JMJD1C: variants seen among roughly 807,000 people sequenced by gnomAD.
JMJD1C encodes the protein jumonji domain containing 1C.
A neutral mutation model predicts 245.3 loss-of-function variants in JMJD1C; 31 were observed. The ratio of observed to expected loss-of-function variants is 0.13; its 90% CI spans 0.09 to 0.17. The LOEUF (loss-of-function observed/expected upper bound fraction) is 0.17, where lower values mean the gene tolerates loss of function less well. Ranked by LOEUF, JMJD1C falls within the 10% of genes least tolerant of loss-of-function variation. The pLI is 1.00. For missense variants in JMJD1C, 2,691 were observed against 3,000.2 expected, an observed-to-expected ratio of 0.90 and a Z score of 2.41; for synonymous variants, 1,057 against 1,017.4, an observed-to-expected ratio of 1.04 and a Z score of -0.74.
chr10:63,368,314 T>C (rs56055417), intron 2 of JMJD1C, among the ~76,000 whole-genome samples: 2,025 of 152,268 alleles, frequency 0.013, 29 homozygotes, highest in African/African-American at 0.034. Context: ...CATAATTAAA[T>C]TGGAATGCTC....
Position 63,462,650 on chromosome 10 carries a change from G to A in JMJD1C, c.168+2845C>T, listed in dbSNP as rs181667468. ...TAGAAGGAGATGACTAGGGAAAAAC[G>A]GTCAGAGAGATACAACTTGGTTGGC... is the stretch of plus-strand genomic sequence containing the variant. On this transcript the variant is annotated intron_variant, in intron 1 of 25. Coordinates refer to ENST00000399262, the MANE Select transcript of JMJD1C (RefSeq NM_032776.3). Among the ~76,000 whole-genome samples the A allele has an allele frequency of 4.7e-3, 710 of 152,250 alleles. 6 individuals are homozygous for A. Among genetic ancestry groups the A allele is most frequent in the South Asian group, 0.019 (90 of 4,820 alleles).
Position 63,207,731 on chromosome 10 carries a change from G to A in JMJD1C, c.3938C>T (p.Thr1313Ile), listed in dbSNP as rs1846812804. Residue 1313 changes from threonine to isoleucine, a missense_variant, in exon 10 of 26, where the codon ACA (threonine) becomes ATA (isoleucine). Thr to Ile is a moderately conservative substitution (Grantham distance 89). Around this residue, in one of 9 missense-constraint regions of JMJD1C, gnomAD observed 1,562 missense variants for 1,490.7 expected, o/e 1.05. Coordinates refer to ENST00000399262, the MANE Select transcript of JMJD1C (RefSeq NM_032776.3). ...ASVIVRPSSS[T>I]KTDSMPAMQL... is the part of the protein sequence containing the mutation. ...CATTGCTGGCATACTATCAGTTTTT[G>A]TACTAGAAGATGGACGCACAATGAC... is the stretch of plus-strand genomic sequence containing the variant. The A allele has an allele frequency of 6.2e-7, 1 of 1,614,134 alleles. No homozygotes were observed. The highest frequency in any genetic ancestry group is 1.6e-4 in the Middle Eastern group (1 of 6,062).
chr10:63,228,743 A>G (rs913870167), intron 3 of JMJD1C, among the ~76,000 whole-genome samples: 29 of 152,190 alleles, frequency 1.9e-4, no homozygotes, highest in African/African-American at 6.3e-4. Flanking sequence ...AAATATATAC[A>G]ATCAGGAGCA....
At chr10:63,497,251 G>C (rs549621289) in intron 1 of JMJD1C, among the ~76,000 whole-genome samples, 1 of 151,768 alleles carries the variant, frequency 6.6e-6, no homozygotes, top group Non-Finnish European at 1.5e-5. Context: ...AGCATTATTC[G>C]TAACAGCCAA....
chr10:63,204,835 T>A (rs1228932262), intron 10 of JMJD1C: 5 of 985,440 alleles, frequency 5.1e-6, no homozygotes, highest in Non-Finnish European at 6.0e-6. Context: ...TTTCCTCTCC[T>A]TCACTTTGCC....
At chr10:63,436,902 ACCT>A (rs1951086881) in intron 1 of JMJD1C, among the ~76,000 whole-genome samples, 1 of 151,980 alleles carries the variant, frequency 6.6e-6, no homozygotes, top group African/African-American at 2.4e-5. Context: ...TCATGCCACT[ACCT>A]CCTATTTTTC....
At chr10:63,210,563 T>C (rs999164103) in intron 8 of JMJD1C, among the ~76,000 whole-genome samples, 1 of 152,178 alleles carries the variant, frequency 6.6e-6, no homozygotes, top group African/African-American at 2.4e-5. Context: ...ATTTTTAAGT[T>C]ACTTAAATCT....
intron 2 of JMJD1C, among the ~76,000 whole-genome samples, chr10:63,368,933 T>C (rs556761301): frequency 6.6e-6 from 1 of 151,604 alleles, no homozygotes; most frequent in South Asian, 2.1e-4. Flanking sequence ...TAGGCATGAA[T>C]CATCACGCCC....
chr10:63,180,498 A>G (rs564255994), intron 22 of JMJD1C, among the ~76,000 whole-genome samples: 7 of 152,228 alleles, frequency 4.6e-5, no homozygotes, highest in South Asian at 2.1e-4. Flanking sequence ...AAGTCCTCCA[A>G]TGTTATCTGT....
chr10:63,362,276 A>G (rs954262399), intron 2 of JMJD1C, among the ~76,000 whole-genome samples: 3 of 151,208 alleles, frequency 2.0e-5, no homozygotes, highest in South Asian at 2.1e-4. Flanking sequence ...AGAAGTGTTT[A>G]CCAATAAAAT....
intron 2 of JMJD1C, among the ~76,000 whole-genome samples, chr10:63,287,933 G>T (rs2133922328): frequency 6.6e-6 from 1 of 152,222 alleles, no homozygotes; most frequent in South Asian, 2.1e-4. Context: ...TTTCAGTAGA[G>T]ACGGAGTTTT....
At chr10:63,269,847 T>C (rs913648399) in intron 2 of JMJD1C, among the ~76,000 whole-genome samples, 1 of 152,196 alleles carries the variant, frequency 6.6e-6, no homozygotes, top group Non-Finnish European at 1.5e-5. Context: ...TCTCTTAACA[T>C]CTATCTAAAT....
At chr10:63,405,156 G>T (rs750892031) in intron 1 of JMJD1C, among the ~76,000 whole-genome samples, 1 of 151,938 alleles carries the variant, frequency 6.6e-6, no homozygotes, top group Non-Finnish European at 1.5e-5. Context: ...TTCATTTTTA[G>T]CACCTCAATT....
chr10:63,281,736 T>TG lies in JMJD1C; in HGVS notation c.334-16973dup, dbSNP rs555444224. 9.2e-5 allele frequency among the ~76,000 whole-genome samples: 14 copies of TG among 152,232 alleles called. No homozygotes were observed. The East Asian group carries it at 2.7e-3, about 29-fold the overall frequency. ...CTACCACCTCGGCCTTCCAAAGTGC[T>TG]GGGATTACAGGCATGAGCCACCATG... On this transcript the variant is annotated intron_variant, in intron 2 of 25. Coordinates refer to ENST00000399262, the MANE Select transcript of JMJD1C (RefSeq NM_032776.3).
chr10:63,418,940 G>A (rs1949951533), intron 1 of JMJD1C, among the ~76,000 whole-genome samples: 1 of 151,940 alleles, frequency 6.6e-6, no homozygotes, highest in African/African-American at 2.4e-5. Context: ...AGCCAGGCAT[G>A]GTGGCACGCG....
chr10:63,490,413 A>AT (rs1487214754), intron 1 of JMJD1C, among the ~76,000 whole-genome samples: 54 of 123,738 alleles, frequency 4.4e-4, no homozygotes, highest in Admixed American at 4.9e-4. Flanking sequence ...ATAATTATTT[A>AT]TTTATTTTAT....
intron 10 of JMJD1C, chr10:63,202,472 T>C: frequency 1.0e-6 from 1 of 985,282 alleles, no homozygotes; most frequent in Admixed American, 6.1e-5. Flanking sequence ...ACAGCTATTC[T>C]CCTGAGACTA....
chr10:63,271,001 T>C (rs2133829513), intron 2 of JMJD1C, among the ~76,000 whole-genome samples: 1 of 152,246 alleles, frequency 6.6e-6, no homozygotes, highest in Middle Eastern at 3.4e-3. Flanking sequence ...TATACTTAAG[T>C]CAACCACGCT....
At chr10:63,298,385 C>T (rs1859680874) in intron 2 of JMJD1C, among the ~76,000 whole-genome samples, 1 of 152,182 alleles carries the variant, frequency 6.6e-6, no homozygotes, top group African/African-American at 2.4e-5. Flanking sequence ...TACCAGAGCC[C>T]TTCCTTGCCT....
Sources: gnomAD v4.1 joint callset for allele counts (sites outside exome capture counted in the v4.1 genomes callset) on GRCh38, gnomAD v4.1.1 for gene constraint, gnomAD v4.1.1 regional missense constraint, MANE v1.5 for transcripts, NCBI Gene and HGNC (gene_info 2026-07-23, HGNC 2026-07-21) for gene names.